The following ANKRD40CL variants were observed in gnomAD, a reference collection of about 807,000 sequenced individuals.
ANKRD40CL encodes ANKRD40 C-terminal like.
For synonymous variants in ANKRD40CL, 5 were observed against 2.3 expected (o/e 2.14, Z -1.04); for missense variants, 11 against 6.4 (o/e 1.71, Z -0.77).
chr17:50,762,873 T>C (rs981861653), intron 3 of ANKRD40CL: 11 of 151,988 alleles, frequency 7.2e-5, no homozygotes, highest in African/African-American at 2.7e-4. Context: ...ACTAAAGCCT[T>C]AAATTGGGGA....
Position 50,761,100 on chromosome 17 carries a change from C to A in ANKRD40CL, c.*263G>T, listed in dbSNP as rs1016306236. 5.3e-6 allele frequency: 1 copy of A among 189,582 alleles called. No individual in the cohort carries two copies. The highest frequency in any genetic ancestry group is 6.5e-5 in the Admixed American group (1 of 15,420). 11.7% of individuals were successfully genotyped at this position (189,582 alleles called of 1,614,324 possible). A position where few individuals can be genotyped will look rare whatever the true frequency, so the allele number is the denominator to read the frequency against. Reference sequence around the variant, plus strand: ...CTGTCGCCAGGCTGGAGTGCAGTGGCGCAATCTCAGCTCACTGCAACCTCT... The same window carrying A: ...CTGTCGCCAGGCTGGAGTGCAGTGGAGCAATCTCAGCTCACTGCAACCTCT... On this transcript the variant is annotated 3_prime_UTR_variant, in exon 4 of 4. Coordinates refer to ENST00000450727, the MANE Select transcript of ANKRD40CL (RefSeq NM_001358683.3).
In ANKRD40CL at chr17:50,766,890, G is replaced by C. The variant is rs1409525559; in HGVS notation, c.24C>G (p.Ile8Met). Residue 8 changes from isoleucine to methionine, a missense_variant, in exon 2 of 4, where the codon ATC becomes ATG. Physicochemically the swap from Ile to Met is conservative, Grantham distance 10. Transcript: ENST00000450727. MAEPEQD[I>M]GEKPAVRIQN... is the part of the protein sequence containing the mutation. ...CAGACTCACCTGCTGGCTTCTCCCC[G>C]ATGTCCTGTTCCGGTTCAGCCATGA... The C allele has an allele frequency of 1.5e-6, 1 of 674,980 alleles. No individual in the cohort carries two copies. The highest frequency in any genetic ancestry group is 2.7e-6 in the Non-Finnish European group (1 of 369,786). The allele number at this position is 674,980 out of a possible 1,614,324, so 41.8% of individuals were successfully genotyped here.
rs1250957031 is a variant in ANKRD40CL at position 50,761,521 on chromosome 17, G to T, written c.202-15C>A. 5 of 398,510 alleles carry T rather than the reference G, an allele frequency of 1.3e-5. No homozygotes were observed. The highest frequency in any genetic ancestry group is 1.1e-4 in the East Asian group (3 of 28,072). 24.7% of individuals were successfully genotyped at this position (398,510 alleles called of 1,614,324 possible). ...ATGTCTTTGTCCTTAATGTAGAAAA[G>T]AAATTATATTATGCTTAATAAATTT... On this transcript the variant is annotated splice_polypyrimidine_tract_variant and intron_variant, in intron 3 of 3. Coordinates refer to ENST00000450727, the MANE Select transcript of ANKRD40CL (RefSeq NM_001358683.3).
chr17:50,767,198 C>T (rs1469951390), intron 1 of ANKRD40CL, 187 bp from the exon 2 acceptor site: 2 of 618,408 alleles, frequency 3.2e-6, no homozygotes, highest in Non-Finnish European at 6.0e-6. Flanking sequence ...GAAGACGGTG[C>T]AGGCCGGTAG....
chr17:50,764,313 GACAA>G, intron 2 of ANKRD40CL: 1 of 398,498 alleles, frequency 2.5e-6, no homozygotes. Context: ...CCAGACAAAG[GACAA>G]GGATGCCCCA....
In ANKRD40CL at chr17:50,761,502, T is replaced by G; in HGVS notation, c.206A>C (p.Lys69Thr). ...KLPNTLLRKD[K>T]DIRRLRDFQE... ...AAAGTCCCGCAGTCTTCGAATGTCT[T>G]TGTCCTTAATGTAGAAAAGAAATTA... is the stretch of plus-strand genomic sequence containing the variant. The change falls in exon 4 of 4, where the codon AAA (lysine) becomes ACA (threonine). Residue 69 changes from lysine to threonine, a missense_variant. Transcript: ENST00000450727. 2.5e-6 allele frequency: 1 copy of G among 398,934 alleles called. No homozygotes were observed. Among genetic ancestry groups the G allele is most frequent in the Non-Finnish European group, 4.4e-6 (1 of 225,990 alleles). The allele number at this position is 398,934 out of a possible 1,614,324, so 24.7% of individuals were successfully genotyped here. A position where few individuals can be genotyped will look rare whatever the true frequency, so the allele number is the denominator to read the frequency against.
chr17:50,761,417 T>TG lies in ANKRD40CL; in HGVS notation c.290dup (p.Ser98IlefsTer9). ...CATAGCAGGGCCTTTCTGTCAGAGA[T>TG]GGCACATATTCTGTCAATCTGGAGC... On this transcript the variant is annotated frameshift_variant, in exon 4 of 4. Transcript: ENST00000450727. LOFTEE classifies it low-confidence loss of function (END_TRUNC). 2.5e-6 allele frequency: 1 copy of TG among 399,038 alleles called. No homozygotes were observed. Among genetic ancestry groups the TG allele is most frequent in the East Asian group, 3.6e-5 (1 of 28,072 alleles). The allele number at this position is 399,038 out of a possible 1,614,324, so 24.7% of individuals were successfully genotyped here. A position where few individuals can be genotyped will look rare whatever the true frequency, so the allele number is the denominator to read the frequency against.
At chr17:50,763,898 A>G (rs1971250403) in intron 2 of ANKRD40CL, 2 of 379,952 alleles carry the variant, frequency 5.3e-6, no homozygotes, top group African/African-American at 2.1e-5. Context: ...CTTGTTGCTT[A>G]TCTGGAAAGC....
At chr17:50,766,132 AGGAATAATGTCCCCTCCCCTAGT>A (rs1319894343) in intron 2 of ANKRD40CL, among the ~76,000 whole-genome samples, 1 of 152,116 alleles carries the variant, frequency 6.6e-6, no homozygotes, top group East Asian at 1.9e-4. Flanking sequence ...TTCCCAGGAC[AGGAATAATGTCCCCTCCCCTAGT>A]GAGCGGGGAT....
At chr17:50,767,060 G>A (rs1002009254) in intron 1 of ANKRD40CL, 49 bp from the exon 2 acceptor site, 1 of 692,900 alleles carries the variant, frequency 1.4e-6, no homozygotes, top group South Asian at 1.5e-5. Flanking sequence ...AGATAGAGCA[G>A]GGTCATTTTT....
chr17:50,764,720 G>A (rs947221325), intron 2 of ANKRD40CL: 1 of 152,314 alleles, frequency 6.6e-6, no homozygotes, highest in African/African-American at 2.4e-5. Flanking sequence ...CACTGAACAT[G>A]TTGAAAGCCT....
At chr17:50,763,959 T>C in intron 2 of ANKRD40CL, 2 of 393,032 alleles carry the variant, frequency 5.1e-6, no homozygotes, top group East Asian at 3.6e-5. Flanking sequence ...AAGAAGCTAT[T>C]GTGCAGAGGA....
intron 2 of ANKRD40CL, among the ~76,000 whole-genome samples, chr17:50,765,934 G>A (rs1211670752): frequency 6.6e-6 from 1 of 152,190 alleles, no homozygotes; most frequent in Non-Finnish European, 1.5e-5. Context: ...TACAAAACAA[G>A]TTCAGGGCTA....
rs940744549 is a variant in ANKRD40CL, at chr17:50,766,861, C to T, written c.40+13G>A. 4.6e-6 allele frequency: 3 copies of T among 647,584 alleles called. No individual in the cohort carries two copies. The highest frequency in any genetic ancestry group is 1.7e-5 in the South Asian group (1 of 58,196). 40.1% of individuals were successfully genotyped at this position (647,584 alleles called of 1,614,324 possible). A position where few individuals can be genotyped will look rare whatever the true frequency, so the allele number is the denominator to read the frequency against. Reference sequence around the variant, plus strand: ...CTTGAGGACCATGTTGGGAACAGGACTCCCAGACTCACCTGCTGGCTTCTC... The same window carrying T: ...CTTGAGGACCATGTTGGGAACAGGATTCCCAGACTCACCTGCTGGCTTCTC... On this transcript the variant is annotated intron_variant, in intron 2 of 3. Transcript: ENST00000450727.
intron 2 of ANKRD40CL, among the ~76,000 whole-genome samples, chr17:50,765,980 T>A (rs1971304589): frequency 1.3e-5 from 2 of 152,064 alleles, no homozygotes; most frequent in African/African-American, 2.4e-5. Context: ...AATCACAGAA[T>A]GTTGAACCCC....
At position 50,761,083 on chromosome 17, in the gene ANKRD40CL, A is replaced by C; in HGVS notation, c.*280T>G. The C allele has an allele frequency of 6.4e-6, 1 of 155,832 alleles. No homozygotes were observed. The highest frequency in any genetic ancestry group is 1.3e-5 in the Non-Finnish European group (1 of 78,668). 9.7% of individuals were successfully genotyped at this position (155,832 alleles called of 1,614,324 possible). On this transcript the variant is annotated 3_prime_UTR_variant, in exon 4 of 4. Coordinates refer to ENST00000450727, the MANE Select transcript of ANKRD40CL (RefSeq NM_001358683.3). ...AGAGACAGAGTCTTGCTCTGTCGCC[A>C]GGCTGGAGTGCAGTGGCGCAATCTC...
chr17:50,761,515 A>G lies in ANKRD40CL; in HGVS notation c.202-9T>C, dbSNP rs1285541521. The G allele has an allele frequency of 7.5e-6, 3 of 398,702 alleles. No homozygotes were observed. Among genetic ancestry groups the G allele is most frequent in the African/African-American group, 4.1e-5 (2 of 48,608 alleles). The allele number at this position is 398,702 out of a possible 1,614,324, so 24.7% of individuals were successfully genotyped here. ...CTTCGAATGTCTTTGTCCTTAATGTAGAAAAGAAATTATATTATGCTTAAT... is the reference window on the plus strand; with the variant it reads ...CTTCGAATGTCTTTGTCCTTAATGTGGAAAAGAAATTATATTATGCTTAAT... On this transcript the variant is annotated splice_polypyrimidine_tract_variant and intron_variant, in intron 3 of 3. Coordinates refer to ENST00000450727, the MANE Select transcript of ANKRD40CL (RefSeq NM_001358683.3).
chr17:50,763,762 G>A, intron 2 of ANKRD40CL: 1 of 389,186 alleles, frequency 2.6e-6, no homozygotes, highest in African/African-American at 2.1e-5. Context: ...CAAGCTCTGG[G>A]ATGTATGCCC....
Position 50,763,539 on chromosome 17 carries a change from T to C in ANKRD40CL, c.59A>G (p.Lys20Arg). 2 of 399,088 alleles carry C rather than the reference T, an allele frequency of 5.0e-6. No individual in the cohort carries two copies. The highest frequency in any genetic ancestry group is 4.4e-6 in the Non-Finnish European group (1 of 226,062). The allele number at this position is 399,088 out of a possible 1,614,324, so 24.7% of individuals were successfully genotyped here. A position where few individuals can be genotyped will look rare whatever the true frequency, so the allele number is the denominator to read the frequency against. ...EKPAVRIQNP[K>R]ENDFIEIELK... Reference sequence around the variant, plus strand: ...TTCAATTTCAATGAAGTCATTTTCTTTGGGGTTCTGAATTCTGACTTTAAA... The same window carrying C: ...TTCAATTTCAATGAAGTCATTTTCTCTGGGGTTCTGAATTCTGACTTTAAA... Residue 20 changes from lysine to arginine, a missense_variant, in exon 3 of 4, where the codon AAA becomes AGA. Transcript: ENST00000450727.
Sources: allele counts gnomAD v4.1 joint callset (sites outside exome capture counted in the v4.1 genomes callset), GRCh38; gene constraint gnomAD v4.1.1; transcripts MANE v1.5; gene names NCBI Gene and HGNC (gene_info 2026-07-23, HGNC 2026-07-21).